Variants in PACRG observed in about 807,000 individuals in gnomAD.
PACRG encodes the protein parkin coregulated, also known as parkin coregulated gene protein.
A neutral mutation model predicts 29.7 loss-of-function variants in PACRG; 29 were observed. That is an observed-to-expected ratio of 0.98 (90% CI 0.73 to 1.33). PACRG has a LOEUF of 1.33. PACRG is among the 40% of genes most tolerant of loss of function. The probability of loss-of-function intolerance (pLI) is 0.00; values close to 1 mark genes in which losing one functional copy is unlikely to be tolerated. For synonymous variants in PACRG, 116 were observed against 118.7 expected (o/e 0.98, Z 0.15); for missense variants, 279 against 316.2 (o/e 0.88, Z 0.89).
chr6:163,122,710 C>A (rs484235), intron 4 of PACRG, among the ~76,000 whole-genome samples: 73,020 of 151,744 alleles, frequency 0.48, 17,820 homozygotes, highest in East Asian at 0.65. Context: ...CATAAATTAC[C>A]CAACCCCAGG....
chr6:162,882,839 C>T (rs1378126649), intron 2 of PACRG, among the ~76,000 whole-genome samples: 1 of 152,184 alleles, frequency 6.6e-6, no homozygotes, highest in Non-Finnish European at 1.5e-5. Context: ...TCGCGTCTTC[C>T]CCACTTTAGC....
At chr6:162,924,229 T>C (rs1414017194) in intron 2 of PACRG, among the ~76,000 whole-genome samples, 2 of 152,088 alleles carry the variant, frequency 1.3e-5, no homozygotes, top group African/African-American at 4.8e-5. Context: ...GTTGTTTGTA[T>C]GTGGATTTGC....
chr6:162,995,285 G>A (rs1157085877), intron 2 of PACRG, among the ~76,000 whole-genome samples: 8 of 149,976 alleles, frequency 5.3e-5, no homozygotes, highest in Middle Eastern at 3.5e-3. Flanking sequence ...CGAGCTTCCC[G>A]GCTGCTTTGT....
At chr6:163,043,130 T>A (rs1001061088) in intron 2 of PACRG, 25 of 152,240 alleles carry the variant, frequency 1.6e-4, no homozygotes, top group Admixed American at 1.6e-3. Flanking sequence ...CTGGGCTGTG[T>A]GTGCTGTGTC....
chr6:163,219,421 G>A (rs1443319631), intron 4 of PACRG, among the ~76,000 whole-genome samples: 1 of 152,180 alleles, frequency 6.6e-6, no homozygotes, highest in Non-Finnish European at 1.5e-5. Flanking sequence ...TCTCTGGGTT[G>A]AACTTCTGCA....
intron 3 of PACRG, among the ~76,000 whole-genome samples, chr6:163,077,203 C>T (rs945211393): frequency 6.6e-6 from 1 of 152,138 alleles, no homozygotes; most frequent in Admixed American, 6.5e-5. Context: ...GGTGAGAGTA[C>T]ATTTCTGTTG....
At chr6:162,727,328 C>CGGCGGGGCGCAGGTGAGGGGCGGA, upstream of PACRG, 2 of 387,838 alleles carry the variant, frequency 5.2e-6, no homozygotes, top group East Asian at 4.9e-5. Context: ...TGAGGGGCGG[C>CGGCGGGGCGCAGGTGAGGGGCGGA]GGCGGGGAGA....
chr6:162,989,844 C>T (rs56665447), intron 2 of PACRG, among the ~76,000 whole-genome samples: 14,279 of 151,402 alleles, frequency 0.094, 1,929 homozygotes, highest in African/African-American at 0.3. Context: ...CCCACTAACT[C>T]GTCATCTAGC....
intron 2 of PACRG, among the ~76,000 whole-genome samples, chr6:162,883,712 G>GTGTGTGTGTGTATGTA (rs148140118): frequency 6.7e-6 from 1 of 149,860 alleles, no homozygotes; most frequent in Non-Finnish European, 1.5e-5. Flanking sequence ...GTGTGTGTGT[G>GTGTGTGTGTGTATGTA]TGTATGTATG....
intron 4 of PACRG, among the ~76,000 whole-genome samples, chr6:163,229,474 C>A (rs1329038615): frequency 6.6e-6 from 1 of 152,188 alleles, no homozygotes; most frequent in Non-Finnish European, 1.5e-5. Flanking sequence ...TCTTTGCTTG[C>A]CAGAATCATC....
chr6:162,979,854 G>A (rs924653392), intron 2 of PACRG, among the ~76,000 whole-genome samples: 9 of 151,820 alleles, frequency 5.9e-5, no homozygotes, highest in Admixed American at 2.0e-4. Flanking sequence ...ATAGTAATTC[G>A]GAAGTTTACT....
At chr6:163,116,408 C>T (rs375025550) in intron 4 of PACRG, among the ~76,000 whole-genome samples, 5 of 152,238 alleles carry the variant, frequency 3.3e-5, no homozygotes, top group East Asian at 1.9e-4. Flanking sequence ...CTGGGGACCA[C>T]AATTCGACGT....
intron 1 of PACRG, among the ~76,000 whole-genome samples, chr6:162,761,397 C>A (rs1931225): frequency 6.6e-6 from 1 of 151,880 alleles, no homozygotes. Context: ...AATATAAAGG[C>A]GCAGGATCAC....
At chr6:163,223,809 A>G (rs1781680715) in intron 4 of PACRG, among the ~76,000 whole-genome samples, 1 of 152,218 alleles carries the variant, frequency 6.6e-6, no homozygotes, top group African/African-American at 2.4e-5. Flanking sequence ...AATGGCATGC[A>G]TTATGAAGAT....
rs552073091 is a variant in PACRG at position 163,122,751 on chromosome 6, G to C, written c.613+33343G>C. On this transcript the variant is annotated intron_variant, in intron 4 of 4. Coordinates refer to ENST00000366888, the MANE Select transcript of PACRG (RefSeq NM_001080379.2). The stretch of plus-strand genomic sequence containing the variant: ...TTTTATAGCAACACAAGTGGACTAA[G>C]ACAAATTGGTATATGAAAACCACAC... Among the ~76,000 whole-genome samples, 4 of 152,290 alleles carry C rather than the reference G, an allele frequency of 2.6e-5. No homozygotes were observed. In the East Asian group the frequency reaches 7.7e-4, roughly 29 times the overall value.
intron 2 of PACRG, among the ~76,000 whole-genome samples, chr6:162,953,292 T>A (rs1799791338): frequency 6.6e-6 from 1 of 152,204 alleles, no homozygotes; most frequent in Non-Finnish European, 1.5e-5. Flanking sequence ...TTTAATATTT[T>A]AAAATTTTTA....
chr6:163,173,785 C>A (rs1182738183), intron 4 of PACRG, among the ~76,000 whole-genome samples: 2 of 152,212 alleles, frequency 1.3e-5, no homozygotes, highest in Non-Finnish European at 2.9e-5. Context: ...GCTTTCACCT[C>A]TATTTGACAG....
intron 2 of PACRG, among the ~76,000 whole-genome samples, chr6:162,861,535 G>T (rs1791860767): frequency 6.6e-6 from 1 of 151,996 alleles, no homozygotes; most frequent in African/African-American, 2.4e-5. Flanking sequence ...AGTATGGCAG[G>T]TGTTCTTAGC....
chr6:163,041,905 G>A (rs980944828), intron 2 of PACRG, among the ~76,000 whole-genome samples: 2 of 152,052 alleles, frequency 1.3e-5, no homozygotes, highest in African/African-American at 4.8e-5. Flanking sequence ...TGCTTTTGTT[G>A]CCCAGGCTGG....
Sources: gnomAD v4.1 joint callset for allele counts (sites outside exome capture counted in the v4.1 genomes callset) on GRCh38, gnomAD v4.1.1 for gene constraint, MANE v1.5 for transcripts, NCBI Gene and HGNC (gene_info 2026-07-23, HGNC 2026-07-21) for gene names.